Variants in SLC25A26 observed in about 807,000 individuals in gnomAD.
The protein encoded by SLC25A26 is mitochondrial S-adenosylmethionine carrier protein.
SLC25A26 carries 36 observed loss-of-function variants against 37.8 expected under a neutral mutation model. The observed-to-expected ratio is 0.95, with a 90% confidence interval of 0.73 to 1.26. The LOEUF is 1.26. Ranked by LOEUF, SLC25A26 falls within the 50% of genes most tolerant of loss-of-function variation. The pLI is 0.00. For synonymous variants in SLC25A26, 129 were observed against 122.5 expected, an observed-to-expected ratio of 1.05 and a Z score of -0.35; for missense variants, 390 against 331.1, an observed-to-expected ratio of 1.18 and a Z score of -1.38.
At chr3:66,227,265 G>A (rs1187379897) in intron 1 of SLC25A26, among the ~76,000 whole-genome samples, 2 of 152,288 alleles carry the variant, frequency 1.3e-5, no homozygotes, top group Non-Finnish European at 2.9e-5. Context: ...ACAGCAGTGT[G>A]AATATTTCCA....
intron 6 of SLC25A26, among the ~76,000 whole-genome samples, chr3:66,354,157 ATT>A (rs547819510): frequency 4.1e-5 from 6 of 145,396 alleles, no homozygotes; most frequent in African/African-American, 7.5e-5. Context: ...GTGAGAATGC[ATT>A]TTTTTTTTTT....
chr3:66,322,216 T>A (rs1342030372), intron 5 of SLC25A26, among the ~76,000 whole-genome samples: 1 of 152,240 alleles, frequency 6.6e-6, no homozygotes, highest in Non-Finnish European at 1.5e-5. Context: ...AAGTGTCTTT[T>A]AAGGAAGGAA....
chr3:66,320,552 T>C (rs945062945), intron 5 of SLC25A26, among the ~76,000 whole-genome samples: 3 of 152,254 alleles, frequency 2.0e-5, no homozygotes, highest in South Asian at 2.1e-4. Context: ...AACAATGGTA[T>C]GCAAGGTTCT....
At chr3:66,261,141 T>C (rs1463090695) in intron 3 of SLC25A26, among the ~76,000 whole-genome samples, 2 of 152,240 alleles carry the variant, frequency 1.3e-5, no homozygotes, top group African/African-American at 2.4e-5. Flanking sequence ...GCCATAACTT[T>C]CATGTTCAAG....
chr3:66,270,304 A>G (rs2073913756), intron 5 of SLC25A26, among the ~76,000 whole-genome samples: 1 of 152,176 alleles, frequency 6.6e-6, no homozygotes. Context: ...CTGAAAAGGA[A>G]AAAAAATGAT....
At chr3:66,187,645 C>T (rs1329370625) in intron 1 of SLC25A26, among the ~76,000 whole-genome samples, 1 of 151,992 alleles carries the variant, frequency 6.6e-6, no homozygotes, top group Non-Finnish European at 1.5e-5. Flanking sequence ...TTGACCCTAA[C>T]TGTACCAATG....
chr3:66,192,995 T>G (rs1423974284), intron 1 of SLC25A26, among the ~76,000 whole-genome samples: 2 of 152,154 alleles, frequency 1.3e-5, no homozygotes, highest in Admixed American at 1.3e-4. Context: ...TAATTAGAGA[T>G]AGTAATTAAC....
chr3:66,275,763 TTG>T (rs941857601), intron 5 of SLC25A26, among the ~76,000 whole-genome samples: 2 of 152,156 alleles, frequency 1.3e-5, no homozygotes, highest in African/African-American at 4.8e-5. Flanking sequence ...TATTTTAATT[TTG>T]TCTTTTCTAG....
At chr3:66,230,815 AAAAAC>A (rs2071984675) in intron 1 of SLC25A26, among the ~76,000 whole-genome samples, 1 of 140,920 alleles carries the variant, frequency 7.1e-6, no homozygotes, top group African/African-American at 2.9e-5. Flanking sequence ...CAAAAAAAAA[AAAAAC>A]AAAAAAAAAC....
intron 1 of SLC25A26, among the ~76,000 whole-genome samples, chr3:66,207,188 A>G (rs1173490265): frequency 1.3e-5 from 2 of 151,906 alleles, no homozygotes; most frequent in Non-Finnish European, 2.9e-5. Flanking sequence ...CTACCCAAGT[A>G]CCCGCCTCAC....
chr3:66,181,056 T>C (rs2070696584), intron 1 of SLC25A26, among the ~76,000 whole-genome samples: 2 of 152,214 alleles, frequency 1.3e-5, no homozygotes, highest in Admixed American at 1.3e-4. Context: ...ACCCTGCTGG[T>C]ACCTTGATCT....
In SLC25A26 at chr3:66,369,831, A is replaced by T. The variant is rs108941; in HGVS notation, c.633+289A>T. Among the ~76,000 whole-genome samples, 10,869 of 152,296 alleles carry T rather than the reference A, an allele frequency of 0.071. 505 individuals carry two copies. Among genetic ancestry groups the T allele is most frequent in the African/African-American group, 0.13 (5,511 of 41,540 alleles). On this transcript the variant is annotated intron_variant, in intron 8 of 9. Transcript: ENST00000354883. ...TACTGGTGACAAACCTAAGGGTCAG[A>T]GAGGTTGACGAGCCTCCTGCTATGT...
Position 66,377,768 on chromosome 3 carries a change from GCA to G in SLC25A26, c.789_790del (p.His263GlnfsTer35). The G allele has an allele frequency of 6.2e-7, 1 of 1,613,860 alleles. No individual in the cohort carries two copies. The highest frequency in any genetic ancestry group is 8.5e-7 in the Non-Finnish European group (1 of 1,179,848). Reference sequence around the variant, plus strand: ...TCTTTCTGGGGGCTTATGACCGAACGCACAGCTTGCTGTTGGAAGTTGGCAGA... The same window carrying G: ...TCTTTCTGGGGGCTTATGACCGAACGCAGCTTGCTGTTGGAAGTTGGCAGA... ...FIFLGAYDRT[H>X]SLLLEVGRKS... is the part of the protein sequence containing the mutation. On this transcript the variant is annotated frameshift_variant, in exon 10 of 10. Transcript: ENST00000354883. LOFTEE classifies it high-confidence loss of function.
intron 1 of SLC25A26, among the ~76,000 whole-genome samples, chr3:66,228,488 A>G (rs936027834): frequency 3.9e-5 from 6 of 152,228 alleles, no homozygotes; most frequent in South Asian, 2.1e-4. Context: ...TAAAGGAAAG[A>G]TAAAAGTTAC....
chr3:66,154,345 C>T (rs2070249529), intron 1 of SLC25A26, among the ~76,000 whole-genome samples: 1 of 152,072 alleles, frequency 6.6e-6, no homozygotes, highest in South Asian at 2.1e-4. Context: ...AAAAATAGCA[C>T]AGCCCAGTCC....
intron 6 of SLC25A26, among the ~76,000 whole-genome samples, chr3:66,353,653 A>T (rs1036942763): frequency 2.0e-5 from 3 of 152,222 alleles, no homozygotes; most frequent in Non-Finnish European, 4.4e-5. Context: ...GATGACATGT[A>T]GCTTAGGAAA....
At chr3:66,184,466 G>A (rs1186964605) in intron 1 of SLC25A26, among the ~76,000 whole-genome samples, 1 of 149,982 alleles carries the variant, frequency 6.7e-6, no homozygotes, top group African/African-American at 2.5e-5. Flanking sequence ...TCATCACTAT[G>A]ACCTTGAAAA....
intron 1 of SLC25A26, among the ~76,000 whole-genome samples, chr3:66,141,202 C>T (rs2070028660): frequency 6.6e-6 from 1 of 151,002 alleles, no homozygotes; most frequent in Non-Finnish European, 1.5e-5. Context: ...GGGTGAAGGG[C>T]ACACGAGATC....
At chr3:66,205,796 C>G (rs973622778) in intron 1 of SLC25A26, among the ~76,000 whole-genome samples, 1 of 152,192 alleles carries the variant, frequency 6.6e-6, no homozygotes, top group Non-Finnish European at 1.5e-5. Flanking sequence ...TTACATCCAA[C>G]TAAGGCCATT....
Sources: gnomAD v4.1 joint callset for allele counts (sites outside exome capture counted in the v4.1 genomes callset) on GRCh38, gnomAD v4.1.1 for gene constraint, MANE v1.5 for transcripts, NCBI Gene and HGNC (gene_info 2026-07-23, HGNC 2026-07-21) for gene names.